The following AOPEP variants were observed in gnomAD, a reference collection of about 807,000 sequenced individuals.
AOPEP encodes aminopeptidase O.
AOPEP carries 77 observed loss-of-function variants against 98.1 expected under a neutral mutation model. The ratio of observed to expected loss-of-function variants is 0.78; its 90% CI spans 0.65 to 0.95. AOPEP has a LOEUF of 0.95. Ranked by LOEUF, AOPEP falls within the 40% of genes least tolerant of loss-of-function variation. The pLI, the probability that AOPEP is intolerant of heterozygous loss-of-function variation, is 0.00. For missense variants in AOPEP, 1,024 were observed against 1,024.7 expected, an observed-to-expected ratio of 1.00 and a Z score of 0.01; for synonymous variants, 346 against 365.3, an observed-to-expected ratio of 0.95 and a Z score of 0.60.
intron 9 of AOPEP, among the ~76,000 whole-genome samples, chr9:94,957,020 T>C (rs1405744880): frequency 6.6e-6 from 1 of 152,202 alleles, no homozygotes; most frequent in East Asian, 1.9e-4. Flanking sequence ...TTCAGAAGTC[T>C]TACATGCTTG....
intron 1 of AOPEP, among the ~76,000 whole-genome samples, chr9:94,732,000 G>T (rs1165378412): frequency 6.6e-6 from 1 of 151,796 alleles, no homozygotes; most frequent in South Asian, 2.1e-4. Flanking sequence ...GGCCAGGCTG[G>T]TTTCGAACTC....
the AOPEP span, among the ~76,000 whole-genome samples, chr9:95,113,349 ATAGTCT>A: frequency 1.6e-4 from 24 of 152,200 alleles, no homozygotes; most frequent in African/African-American, 4.6e-4. Flanking sequence ...AACAAATAAG[ATAGTCT>A]TAGTAGGCTA....
intron 5 of AOPEP, among the ~76,000 whole-genome samples, chr9:94,825,894 G>A (rs914030368): frequency 2.0e-5 from 3 of 152,198 alleles, no homozygotes; most frequent in Non-Finnish European, 2.9e-5. Context: ...TAACCTTTAC[G>A]TTTTAAAAAG....
Position 95,087,062 on chromosome 9 carries a change from C to T in AOPEP, c.*385C>T. The T allele has an allele frequency of 2.1e-6, 1 of 473,612 alleles. No homozygotes were observed. The highest frequency in any genetic ancestry group is 2.8e-6 in the Non-Finnish European group (1 of 362,270). 29.3% of individuals were successfully genotyped at this position (473,612 alleles called of 1,614,324 possible). A position where few individuals can be genotyped will look rare whatever the true frequency, so the allele number is the denominator to read the frequency against. ...ATATTTCTATAATTCCAGAAAGTCACACAGCTCCTCTGTATGAGACCAGTG... is the reference window on the plus strand; with the variant it reads ...ATATTTCTATAATTCCAGAAAGTCATACAGCTCCTCTGTATGAGACCAGTG... On this transcript the variant is annotated 3_prime_UTR_variant, in exon 17 of 17. Coordinates refer to ENST00000375315, the MANE Select transcript of AOPEP (RefSeq NM_001193329.3).
At chr9:94,747,774 C>T (rs1834852882) in intron 1 of AOPEP, among the ~76,000 whole-genome samples, 1 of 152,124 alleles carries the variant, frequency 6.6e-6, no homozygotes, top group South Asian at 2.1e-4. Context: ...AAGAAGAGTG[C>T]TGAAGGGCTG....
At chr9:94,918,489 C>T (rs997830195) in intron 5 of AOPEP, among the ~76,000 whole-genome samples, 14 of 152,190 alleles carry the variant, frequency 9.2e-5, no homozygotes, top group Middle Eastern at 6.8e-3. Flanking sequence ...CACAGAGGGA[C>T]GGGAGCCCAG....
chr9:95,086,338 C>G, intron 16 of AOPEP: 11 of 985,422 alleles, frequency 1.1e-5, no homozygotes, highest in Non-Finnish European at 1.3e-5. Flanking sequence ...GCCGTTTGCC[C>G]CCATGTGTAA....
At chr9:94,996,464 T>C (rs1328777035) in intron 11 of AOPEP, among the ~76,000 whole-genome samples, 4 of 151,768 alleles carry the variant, frequency 2.6e-5, no homozygotes, top group Non-Finnish European at 4.4e-5. Context: ...AGTTGTGACT[T>C]CATTGGTTTT....
At chr9:94,887,424 C>T (rs1300613941) in intron 5 of AOPEP, among the ~76,000 whole-genome samples, 6 of 152,052 alleles carry the variant, frequency 3.9e-5, no homozygotes, top group Non-Finnish European at 4.4e-5. Context: ...GGTATAATGG[C>T]ATAAGCATTG....
chr9:94,727,361 G>A (rs969872315), intron 1 of AOPEP, among the ~76,000 whole-genome samples: 1 of 152,178 alleles, frequency 6.6e-6, no homozygotes, highest in African/African-American at 2.4e-5. Context: ...ATCCACTTAG[G>A]ATCCAATCCA....
intron 3 of AOPEP, among the ~76,000 whole-genome samples, chr9:94,782,165 G>A (rs911974161): frequency 4.6e-5 from 7 of 151,802 alleles, no homozygotes; most frequent in Admixed American, 1.3e-4. Context: ...ACTCCAGCCT[G>A]GGCGACAGAG....
At chr9:95,084,043 TTC>T (rs1199891337) in intron 16 of AOPEP, among the ~76,000 whole-genome samples, 1 of 152,240 alleles carries the variant, frequency 6.6e-6, no homozygotes, top group Non-Finnish European at 1.5e-5. Flanking sequence ...TCATCATTAT[TTC>T]TGTGTCTGCT....
chr9:94,823,286 G>A (rs918690495), intron 5 of AOPEP, among the ~76,000 whole-genome samples: 5 of 152,130 alleles, frequency 3.3e-5, no homozygotes, highest in African/African-American at 9.7e-5. Context: ...GTGAGCCACC[G>A]TGCCTGGCTT....
chr9:94,846,766 T>C (rs2042910079), intron 5 of AOPEP, among the ~76,000 whole-genome samples: 1 of 152,044 alleles, frequency 6.6e-6, no homozygotes, highest in South Asian at 2.1e-4. Flanking sequence ...AAAAGTTAGC[T>C]TGCGATGGTG....
intron 4 of AOPEP, among the ~76,000 whole-genome samples, chr9:94,796,906 T>G (rs1163143921): frequency 6.6e-6 from 1 of 152,178 alleles, no homozygotes; most frequent in African/African-American, 2.4e-5. Flanking sequence ...CCATACAGTT[T>G]AAACACGACA....
In AOPEP at chr9:94,792,799, A is replaced by G. The variant is rs761147944; in HGVS notation, c.999A>G (p.Pro333=). Residue 333 remains proline, a synonymous_variant, in exon 4 of 17, where the codon CCA becomes CCG. Coordinates refer to ENST00000375315, the MANE Select transcript of AOPEP (RefSeq NM_001193329.3). ...CSSWYYYVTM[P]MPASTFTIAV... ...GCTGGTATTACTATGTAACTATGCC[A>G]ATGCCAGCCTCCACCTTCACAATTG... 6.2e-7 allele frequency: 1 copy of G among 1,613,314 alleles called. No individual in the cohort carries two copies. The highest frequency in any genetic ancestry group is 2.2e-5 in the East Asian group (1 of 44,882).
intron 5 of AOPEP, 133 bp downstream of exon 5, chr9:94,801,135 A>G (rs1018278198): frequency 9.6e-7 from 1 of 1,044,942 alleles, no homozygotes; most frequent in Non-Finnish European, 1.4e-6. Context: ...ATGCTTGGAC[A>G]TCTCATTGCT....
At chr9:95,089,398 T>C (rs980061343), downstream of AOPEP, among the ~76,000 whole-genome samples, 3 of 152,186 alleles carry the variant, frequency 2.0e-5, no homozygotes, top group Admixed American at 6.5e-5. Flanking sequence ...ATAGTAGTTT[T>C]GGATGAAGAC....
Position 94,760,438 on chromosome 9 carries a change from C to T in AOPEP, c.655C>T (p.Leu219Phe), listed in dbSNP as rs749803059. ...CSQAPGCGEL[L>F]FDTDTWSLQI... ...CCAGGCTCCTGGCTGTGGGGAACTC[C>T]TCTTTGACACTGACACTTGGAGCTT... The change falls in exon 2 of 17, where the codon CTC becomes TTC. Residue 219 changes from leucine to phenylalanine, a missense_variant. By Grantham distance (22) the Leu-to-Phe change is conservative. Around this residue, in one of 3 missense-constraint regions of AOPEP, gnomAD observed 440 missense variants for 433.8 expected, o/e 1.01. Transcript: ENST00000375315. 1 of 1,613,850 alleles carries T rather than the reference C, an allele frequency of 6.2e-7. No homozygotes were observed. Among genetic ancestry groups the T allele is most frequent in the Non-Finnish European group, 8.5e-7 (1 of 1,179,876 alleles).
Sources: allele counts gnomAD v4.1 joint callset (sites outside exome capture counted in the v4.1 genomes callset), GRCh38; gene constraint gnomAD v4.1.1; regional missense constraint gnomAD v4.1.1; transcripts MANE v1.5; gene names NCBI Gene and HGNC (gene_info 2026-07-23, HGNC 2026-07-21).